The following SBNO1 variants were observed in gnomAD, a reference collection of about 807,000 sequenced individuals.
SBNO1 encodes protein strawberry notch homolog 1.
A neutral mutation model predicts 173.6 loss-of-function variants in SBNO1; 23 were observed. The ratio of observed to expected loss-of-function variants is 0.13; its 90% CI spans 0.10 to 0.19. The LOEUF (loss-of-function observed/expected upper bound fraction) is 0.19, where lower values mean the gene tolerates loss of function less well. Among genes scored for constraint, SBNO1 ranks in the 10% least tolerant of loss-of-function variants. SBNO1 has a pLI of 1.00. For missense variants in SBNO1, 1,238 were observed against 1,671.2 expected, an observed-to-expected ratio of 0.74 and a Z score of 4.52; for synonymous variants, 632 against 571.5, an observed-to-expected ratio of 1.11 and a Z score of -1.51.
In SBNO1 at chr12:123,318,559, C is replaced by CT. The variant is rs1327307395; in HGVS notation, c.2800-1204dup. 7.9e-5 allele frequency among the ~76,000 whole-genome samples: 12 copies of CT among 151,922 alleles called. No homozygotes were observed. The East Asian group carries it at 2.3e-3, about 30-fold the overall frequency. On this transcript the variant is annotated intron_variant, in intron 20 of 31. Coordinates refer to ENST00000602398, the MANE Select transcript of SBNO1 (RefSeq NM_001167856.3). ...ACCAGCCAGGTCAATATGGTGAAAC[C>CT]TGTCTCTATCAAAAAATACAAAAAT...
At chr12:123,357,732 C>T (rs936246066) in intron 1 of SBNO1, among the ~76,000 whole-genome samples, 7 of 152,202 alleles carry the variant, frequency 4.6e-5, no homozygotes, top group African/African-American at 1.4e-4. Context: ...TCCAACCTGG[C>T]GAAAGAGGAG....
At chr12:123,350,714 G>A (rs1240549495) in intron 1 of SBNO1, among the ~76,000 whole-genome samples, 2 of 152,234 alleles carry the variant, frequency 1.3e-5, no homozygotes, top group African/African-American at 4.8e-5. Flanking sequence ...AATGAACTTT[G>A]TGGAAGCAGA....
At chr12:123,319,755 T>C (rs1404332286) in intron 20 of SBNO1, 145 bp downstream of exon 20, 1 of 686,582 alleles carries the variant, frequency 1.5e-6, no homozygotes, top group Non-Finnish European at 2.4e-6. Flanking sequence ...ACGTACAATA[T>C]TCAGTATGTA....
chr12:123,327,202 G>A (rs1351900966), intron 13 of SBNO1, among the ~76,000 whole-genome samples: 1 of 151,950 alleles, frequency 6.6e-6, no homozygotes, highest in Non-Finnish European at 1.5e-5. Context: ...GTAGAGATGA[G>A]GTTTCAACAT....
At chr12:123,347,621 T>G (rs560749119) in intron 3 of SBNO1, among the ~76,000 whole-genome samples, 5 of 150,932 alleles carry the variant, frequency 3.3e-5, no homozygotes, top group African/African-American at 1.2e-4. Context: ...CTCCACTTCC[T>G]GGGTTCAAGA....
At chr12:123,315,052 A>G (rs1034823815) in intron 23 of SBNO1, among the ~76,000 whole-genome samples, 3 of 151,978 alleles carry the variant, frequency 2.0e-5, no homozygotes, top group Admixed American at 6.6e-5. Context: ...CTTTATATAT[A>G]TTTTATACTG....
chr12:123,364,609 G>T, intron 1 of SBNO1, 92 bp downstream of exon 1: 1 of 957,668 alleles, frequency 1.0e-6, no homozygotes. Flanking sequence ...TGTCCCCCCA[G>T]CCTGGCCCCG....
chr12:123,304,428 G>A (rs570229985), intron 29 of SBNO1, 154 bp downstream of exon 29: 1 of 559,760 alleles, frequency 1.8e-6, no homozygotes, highest in Admixed American at 3.2e-5. Flanking sequence ...TAGAGACGGG[G>A]TTTCTCCATG....
intron 20 of SBNO1, 30 bp from the exon 21 acceptor site, chr12:123,317,386 C>T (rs745998818): frequency 1.2e-6 from 2 of 1,611,140 alleles, no homozygotes; most frequent in Admixed American, 1.7e-5. Flanking sequence ...AATAAAGTCA[C>T]TTTTGCATAA....
At chr12:123,361,586 T>C (rs1875176036) in intron 1 of SBNO1, among the ~76,000 whole-genome samples, 1 of 151,204 alleles carries the variant, frequency 6.6e-6, no homozygotes, top group African/African-American at 2.4e-5. Flanking sequence ...GTACAAAAAT[T>C]AGCTGGGCGT....
rs761801291 is a variant in SBNO1, at chr12:123,330,399, T to C, written c.1134+20A>G. On this transcript the variant is annotated intron_variant, in intron 9 of 31. Transcript: ENST00000602398. The stretch of plus-strand genomic sequence containing the variant: ...AGTCAATATTTATTGAATGACCAAC[T>C]GAATAAAAAGATTTCATACCTTATT... The C allele has an allele frequency of 1.5e-6, 2 of 1,348,692 alleles. No individual in the cohort carries two copies. Among genetic ancestry groups the C allele is most frequent in the South Asian group, 1.2e-5 (1 of 83,254 alleles). The allele number at this position is 1,348,692 out of a possible 1,614,324, so 83.5% of individuals were successfully genotyped here.
At chr12:123,317,477 C>T in intron 20 of SBNO1, 121 bp from the exon 21 acceptor site, 1 of 862,196 alleles carries the variant, frequency 1.2e-6, no homozygotes, top group Non-Finnish European at 1.8e-6. Flanking sequence ...TGAAGACTTC[C>T]AGTTTTATTT....
At chr12:123,331,741 C>T (rs1871236709) in intron 7 of SBNO1, among the ~76,000 whole-genome samples, 2 of 152,124 alleles carry the variant, frequency 1.3e-5, no homozygotes, top group South Asian at 2.1e-4. Context: ...AGGATGATCT[C>T]GATCTCCTGA....
chr12:123,291,204 C>T lies in SBNO1; in HGVS notation c.*4704G>A, dbSNP rs2048506388. Reference sequence around the variant, plus strand: ...TAGGTTAAAAGCATAGGCCCGACTTCTTAAATAAACATAGGGAATTTGCTG... The same window carrying T: ...TAGGTTAAAAGCATAGGCCCGACTTTTTAAATAAACATAGGGAATTTGCTG... On this transcript the variant is annotated 3_prime_UTR_variant, in exon 32 of 32. Transcript: ENST00000602398. The T allele has an allele frequency of 6.6e-6, 1 of 152,154 alleles. No individual in the cohort carries two copies. The highest frequency in any genetic ancestry group is 1.5e-5 in the Non-Finnish European group (1 of 68,044). 9.4% of individuals were successfully genotyped at this position (152,154 alleles called of 1,614,324 possible). A position where few individuals can be genotyped will look rare whatever the true frequency, so the allele number is the denominator to read the frequency against.
Position 123,345,412 on chromosome 12 carries a change from C to T in SBNO1, c.396G>A (p.Pro132=), listed in dbSNP as rs138172951. 278 of 1,614,122 alleles carry T rather than the reference C, an allele frequency of 1.7e-4. 1 individual carries two copies. The African/African-American group carries it at 2.1e-3, about 12-fold the overall frequency. ...TTCGTACTGTTGGTGCTGAGACTGACGGGCGTGTGCTTGCAGTAGTCTGGA... is the reference window on the plus strand; with the variant it reads ...TTCGTACTGTTGGTGCTGAGACTGATGGGCGTGTGCTTGCAGTAGTCTGGA... ...KFIQTTASTR[P]SVSAPTVRNA... The change falls in exon 4 of 32, where the codon CCG becomes CCA. Residue 132 remains proline, a synonymous_variant. Coordinates refer to ENST00000602398, the MANE Select transcript of SBNO1 (RefSeq NM_001167856.3).
At chr12:123,311,712 C>CTATATATATATATATA (rs1468911576) in intron 24 of SBNO1, among the ~76,000 whole-genome samples, 2 of 69,068 alleles carry the variant, frequency 2.9e-5, no homozygotes, top group African/African-American at 1.1e-4. Flanking sequence ...ATCTATCTAT[C>CTATATATATATATATA]TATCTATCTA....
At chr12:123,300,216 TTTG>T (rs1234225079) in intron 30 of SBNO1, among the ~76,000 whole-genome samples, 1 of 152,132 alleles carries the variant, frequency 6.6e-6, no homozygotes, top group Admixed American at 6.6e-5. Flanking sequence ...AAAGCAAATG[TTTG>T]TTGTTTTTTA....
chr12:123,311,748 A>ATATATATTTTTTTT (rs1255479099), intron 24 of SBNO1, among the ~76,000 whole-genome samples: 2 of 134,368 alleles, frequency 1.5e-5, no homozygotes, highest in African/African-American at 5.7e-5. Context: ...ATATATATAT[A>ATATATATTTTTTTT]TTTTTGCGAC....
chr12:123,307,965 G>A (rs1347206234), intron 28 of SBNO1, among the ~76,000 whole-genome samples: 4 of 152,144 alleles, frequency 2.6e-5, no homozygotes, highest in Middle Eastern at 3.4e-3. Context: ...CCAGCTACTC[G>A]GGAGGCTGTG....
Sources: allele counts gnomAD v4.1 joint callset (sites outside exome capture counted in the v4.1 genomes callset), GRCh38; gene constraint gnomAD v4.1.1; transcripts MANE v1.5; gene names NCBI Gene and HGNC (gene_info 2026-07-23, HGNC 2026-07-21).